The following BPIFB1 variants were observed in gnomAD, a reference collection of about 807,000 sequenced individuals.
BPIFB1 encodes the protein BPI fold containing family B member 1, also known as BPI fold-containing family B member 1.
BPIFB1 carries 34 observed loss-of-function variants against 55.1 expected under a neutral mutation model. The observed-to-expected ratio is 0.62, with a 90% CI of 0.47 to 0.82. The LOEUF is 0.82. BPIFB1 is among the 40% of genes least tolerant of loss of function. BPIFB1 has a pLI of 0.00. For synonymous variants in BPIFB1, 236 were observed against 245.3 expected (o/e 0.96, Z 0.35); for missense variants, 532 against 593.1 (o/e 0.90, Z 1.07).
chr20:33,299,349 G>T lies in BPIFB1; in HGVS notation c.662-550G>T, dbSNP rs184573079. 188 of 340,756 alleles carry T rather than the reference G, an allele frequency of 5.5e-4. 1 individual carries two copies. Among genetic ancestry groups the T allele is most frequent in the Middle Eastern group, 9.5e-4 (1 of 1,054 alleles). 21.1% of individuals were successfully genotyped at this position (340,756 alleles called of 1,614,324 possible). On this transcript the variant is annotated intron_variant, in intron 7 of 15. Coordinates refer to ENST00000253354, the MANE Select transcript of BPIFB1 (RefSeq NM_033197.3). ...TTCTGACGCGAACACGAGATCTTTGGGGGGAGCAGAGGAGCCAGTTTGGAT... is the reference window on the plus strand; with the variant it reads ...TTCTGACGCGAACACGAGATCTTTGTGGGGAGCAGAGGAGCCAGTTTGGAT...
intron 1 of BPIFB1, among the ~76,000 whole-genome samples, chr20:33,285,572 G>A (rs1980239296): frequency 1.3e-5 from 2 of 151,392 alleles, no homozygotes; most frequent in Non-Finnish European, 2.9e-5. Flanking sequence ...AAAAAAATTA[G>A]CCTGGCGCGG....
intron 6 of BPIFB1, among the ~76,000 whole-genome samples, chr20:33,293,828 A>G (rs1980548932): frequency 6.6e-6 from 1 of 151,756 alleles, no homozygotes; most frequent in African/African-American, 2.4e-5. Context: ...GCATGACGGC[A>G]AGACTCTGTC....
intron 14 of BPIFB1, chr20:33,306,458 A>G (rs754585428): frequency 4.6e-5 from 16 of 345,286 alleles, no homozygotes; most frequent in Non-Finnish European, 8.0e-5. Context: ...ATGGGGACGT[A>G]GAAGTACCTT....
chr20:33,289,245 G>A (rs1980370590), intron 3 of BPIFB1, among the ~76,000 whole-genome samples: 1 of 152,138 alleles, frequency 6.6e-6, no homozygotes, highest in Non-Finnish European at 1.5e-5. Flanking sequence ...GCCAGGCATG[G>A]TGGCAGAAGC....
rs770796156 is a variant in BPIFB1, at chr20:33,291,000, GC to G, written c.412del (p.Gln138LysfsTer40). The G allele has an allele frequency of 4.3e-6, 7 of 1,613,794 alleles. No individual in the cohort carries two copies. The African/African-American group carries it at 9.3e-5, about 22-fold the overall frequency. ...CGTGGAGTTCCACATGACGACTGAG[GC>G]CCAAGCCACCATCCGCATGGACACC... ...TIVEFHMTTE[A>X]QATIRMDTSA... On this transcript the variant is annotated frameshift_variant, in exon 5 of 16. Coordinates refer to ENST00000253354, the MANE Select transcript of BPIFB1 (RefSeq NM_033197.3). LOFTEE classifies it high-confidence loss of function.
rs773905339 is a variant in BPIFB1 at position 33,291,035 on chromosome 20, T to C, written c.444T>C (p.Ser148=). 9.3e-6 allele frequency: 15 copies of C among 1,613,854 alleles called. No individual in the cohort carries two copies. Among genetic ancestry groups the C allele is most frequent in the African/African-American group, 1.3e-5 (1 of 75,062 alleles). Residue 148 remains serine, a synonymous_variant, in exon 5 of 16, where the codon AGT becomes AGC. Coordinates refer to ENST00000253354, the MANE Select transcript of BPIFB1 (RefSeq NM_033197.3). ...CCATCCGCATGGACACCAGTGCAAG[T>C]GGCCCCACCCGCCTGGTCCTCAGTG... ...QATIRMDTSA[S]GPTRLVLSDC...
At chr20:33,298,256 T>A (rs1178006502) in intron 7 of BPIFB1, among the ~76,000 whole-genome samples, 1 of 152,158 alleles carries the variant, frequency 6.6e-6, no homozygotes, top group African/African-American at 2.4e-5. Context: ...AAAACTGAGA[T>A]ATCTGGTTTA....
At chr20:33,302,441 G>C in intron 10 of BPIFB1, 29 bp downstream of exon 10, 1 of 1,613,448 alleles carries the variant, frequency 6.2e-7, no homozygotes, top group Non-Finnish European at 8.5e-7. Context: ...TGCAGCTTGA[G>C]GGGTGTTTGC....
chr20:33,285,580 C>T (rs767775726), intron 1 of BPIFB1, among the ~76,000 whole-genome samples: 4 of 151,196 alleles, frequency 2.6e-5, no homozygotes, highest in South Asian at 2.1e-4. Flanking sequence ...TAGCCTGGCG[C>T]GGTGGTGGGT....
Position 33,283,715 on chromosome 20 carries a change from C to T in BPIFB1, c.-42+461C>T, listed in dbSNP as rs143361118. ...GTTGGTTGCAAAGCCGAGTAGAAGGCGATTGGGCAAAGGAGGAGAGAAAGA... is the reference window on the plus strand; with the variant it reads ...GTTGGTTGCAAAGCCGAGTAGAAGGTGATTGGGCAAAGGAGGAGAGAAAGA... On this transcript the variant is annotated intron_variant, in intron 1 of 15. Coordinates refer to ENST00000253354, the MANE Select transcript of BPIFB1 (RefSeq NM_033197.3). 3.0e-3 allele frequency among the ~76,000 whole-genome samples: 454 copies of T among 151,938 alleles called. 4 individuals are homozygous for T. Among genetic ancestry groups the T allele is most frequent in the African/African-American group, 0.01 (434 of 41,410 alleles).
chr20:33,286,326 A>G lies in BPIFB1; in HGVS notation c.115+138A>G, dbSNP rs922352724. ...CAGAACGTGGGTGAACATGAGTGGG[A>G]GGTTGTAAAGGTCTGGAGAGTCTGT... On this transcript the variant is annotated intron_variant, in intron 2 of 15. Transcript: ENST00000253354. 11 of 712,480 alleles carry G rather than the reference A, an allele frequency of 1.5e-5. No homozygotes were observed. In the African/African-American group the frequency reaches 1.8e-4, roughly 11 times the overall value. The allele number at this position is 712,480 out of a possible 1,614,324, so 44.1% of individuals were successfully genotyped here.
At chr20:33,301,076 G>A (rs920577209) in intron 8 of BPIFB1, among the ~76,000 whole-genome samples, 157 bp from the exon 9 acceptor site, 7 of 152,224 alleles carry the variant, frequency 4.6e-5, no homozygotes, top group African/African-American at 1.4e-4. Flanking sequence ...GGCAAAGATG[G>A]AGTAGATGTT....
At chr20:33,292,010 C>A in intron 6 of BPIFB1, 22 bp downstream of exon 6, 2 of 1,610,608 alleles carry the variant, frequency 1.2e-6, no homozygotes, top group Non-Finnish European at 1.7e-6. Flanking sequence ...CAGGGCCTCT[C>A]TGGCCTGTGG....
At chr20:33,303,691 T>A (rs963384923) in intron 11 of BPIFB1, among the ~76,000 whole-genome samples, 2 of 152,226 alleles carry the variant, frequency 1.3e-5, no homozygotes, top group African/African-American at 4.8e-5. Context: ...GTGAGGGCTC[T>A]ATGAATAGTG....
rs1981015919 is a variant in BPIFB1, at chr20:33,306,057, AC to A, written c.1312del (p.Gln438ArgfsTer5). 7 of 1,614,012 alleles carry A rather than the reference AC, an allele frequency of 4.3e-6. No individual in the cohort carries two copies. Among genetic ancestry groups the A allele is most frequent in the Admixed American group, 1.7e-5 (1 of 60,006 alleles). ...ATCATCCACTCCATCCTGCTGCCGA[AC>A]CAGAATGGTGCATACCTCTGCCATC... is the stretch of plus-strand genomic sequence containing the variant. Reference protein sequence around the residue: ...TEIIHSILLPNQNGKLRSGVP... With the variant: ...TEIIHSILLPXQNGKLRSGVP... On this transcript the variant is annotated frameshift_variant, in exon 14 of 16. Transcript: ENST00000253354. LOFTEE classifies it high-confidence loss of function.
Position 33,290,393 on chromosome 20 carries a change from G to C in BPIFB1, c.365+401G>C, listed in dbSNP as rs145020466. Among the ~76,000 whole-genome samples, 9 of 152,302 alleles carry C rather than the reference G, an allele frequency of 5.9e-5. 2 individuals carry two copies. Among genetic ancestry groups the C allele is most frequent in the Admixed American group, 6.5e-5 (1 of 15,308 alleles). ...TGGGGGTAAGAGTGGAGACAGGAAG[G>C]CTATCCCAAAGCTACTGCAACAATT... On this transcript the variant is annotated intron_variant, in intron 4 of 15. Coordinates refer to ENST00000253354, the MANE Select transcript of BPIFB1 (RefSeq NM_033197.3).
intron 15 of BPIFB1, 118 bp downstream of exon 15, chr20:33,307,105 C>T (rs1981056756): frequency 6.9e-6 from 6 of 874,160 alleles, no homozygotes; most frequent in Non-Finnish European, 1.1e-5. Context: ...GGGCAAGTCC[C>T]TTCCCCTCTC....
In BPIFB1 at chr20:33,301,281, T is replaced by C. The variant is rs1980839243; in HGVS notation, c.796T>C (p.Ser266Pro). 6.2e-7 allele frequency: 1 copy of C among 1,614,228 alleles called. No homozygotes were observed. ...AAAGGTGACCAAGTGGTTCAATAAC[T>C]CTGCAGCTTCCCTGACAATGCCCAC... ...QGKVTKWFNNSAASLTMPTLD... is the reference protein window; with the variant it reads ...QGKVTKWFNNPAASLTMPTLD... The change falls in exon 9 of 16, where the codon TCT becomes CCT. Residue 266 changes from serine to proline, a missense_variant. By Grantham distance (74) the Ser-to-Pro change is moderately conservative. Transcript: ENST00000253354.
intron 15 of BPIFB1, 94 bp downstream of exon 15, chr20:33,307,081 C>A (rs1981055342): frequency 8.7e-7 from 1 of 1,155,510 alleles, no homozygotes; most frequent in Non-Finnish European, 1.3e-6. Context: ...CAACCCCAGC[C>A]TACAGGTGAC....
Sources: gnomAD v4.1 joint callset for allele counts (sites outside exome capture counted in the v4.1 genomes callset) on GRCh38, gnomAD v4.1.1 for gene constraint, MANE v1.5 for transcripts, NCBI Gene and HGNC (gene_info 2026-07-23, HGNC 2026-07-21) for gene names.